The following RALA variants were observed in gnomAD, a reference collection of about 807,000 sequenced individuals.
The protein encoded by RALA is ras-related protein Ral-A.
In RALA, 5 loss-of-function variants were observed where a neutral mutation model predicts 24.0. The observed-to-expected ratio is 0.21, with a 90% CI of 0.11 to 0.44. The LOEUF (loss-of-function observed/expected upper bound fraction) is 0.44. RALA is among the 20% of genes least tolerant of loss of function. The pLI is 0.99. For synonymous variants in RALA, 77 were observed against 83.8 expected, an observed-to-expected ratio of 0.92 and a Z score of 0.44; for missense variants, 95 against 241.2, an observed-to-expected ratio of 0.39 and a Z score of 4.01.
chr7:39,659,292 AAAAT>A (rs1354633042), intron 1 of RALA, among the ~76,000 whole-genome samples: 1 of 152,184 alleles, frequency 6.6e-6, no homozygotes, highest in Non-Finnish European at 1.5e-5. Context: ...TCAAAAATAA[AAAAT>A]AAATATGATC....
At chr7:39,685,521 CAG>C (rs146569920) in intron 1 of RALA, among the ~76,000 whole-genome samples, 1,580 of 152,260 alleles carry the variant, frequency 0.01, 24 homozygotes, top group African/African-American at 0.036. Context: ...CACACACGTT[CAG>C]AGTGTTTGTT....
intron 1 of RALA, among the ~76,000 whole-genome samples, chr7:39,674,409 C>G (rs929421334): frequency 6.6e-6 from 1 of 152,062 alleles, no homozygotes; most frequent in Non-Finnish European, 1.5e-5. Flanking sequence ...AAGCCATTCT[C>G]GTATCTGGTT....
At chr7:39,686,238 T>C (rs999687238) in intron 1 of RALA, among the ~76,000 whole-genome samples, 1 of 151,830 alleles carries the variant, frequency 6.6e-6, no homozygotes, top group African/African-American at 2.4e-5. Context: ...GAAACATCTC[T>C]TTAATTATTG....
intron 1 of RALA, among the ~76,000 whole-genome samples, chr7:39,678,554 G>A (rs982455105): frequency 6.6e-6 from 1 of 152,096 alleles, no homozygotes; most frequent in South Asian, 2.1e-4. Flanking sequence ...CCCCAAATAG[G>A]TTCTATAGTA....
At chr7:39,643,383 A>AG (rs1791853696) in intron 1 of RALA, among the ~76,000 whole-genome samples, 2 of 152,204 alleles carry the variant, frequency 1.3e-5, no homozygotes, top group South Asian at 2.1e-4. Flanking sequence ...GCAGGCACAT[A>AG]GGCAGTAGTG....
chr7:39,655,877 G>A (rs1792088007), intron 1 of RALA, among the ~76,000 whole-genome samples: 1 of 152,120 alleles, frequency 6.6e-6, no homozygotes, highest in Non-Finnish European at 1.5e-5. Context: ...AGGATTAAGG[G>A]GAGAGGAGTA....
chr7:39,665,920 CA>C (rs1444677758), intron 1 of RALA, among the ~76,000 whole-genome samples: 1 of 151,754 alleles, frequency 6.6e-6, no homozygotes, highest in Admixed American at 6.6e-5. Flanking sequence ...TGATATGGCT[CA>C]ATTTTCTCAC....
chr7:39,699,118 G>GTTAT (rs1207863082), intron 4 of RALA, among the ~76,000 whole-genome samples: 1 of 84,140 alleles, frequency 1.2e-5, no homozygotes, highest in Non-Finnish European at 2.5e-5. Flanking sequence ...TGCTAAAAAT[G>GTTAT]TTATTTTTTT....
At chr7:39,624,903 C>T (rs1791454526) in intron 1 of RALA, among the ~76,000 whole-genome samples, 1 of 152,160 alleles carries the variant, frequency 6.6e-6, no homozygotes, top group Non-Finnish European at 1.5e-5. Context: ...TAATGTATTT[C>T]AGTGTGTCTT....
chr7:39,675,272 T>C (rs1488860140), intron 1 of RALA, among the ~76,000 whole-genome samples: 1 of 152,164 alleles, frequency 6.6e-6, no homozygotes, highest in Non-Finnish European at 1.5e-5. Flanking sequence ...ATAAACTGTA[T>C]TGGGCACTTG....
At chr7:39,704,674 T>TTTTTTA (rs1793086725) in intron 4 of RALA, among the ~76,000 whole-genome samples, 1 of 151,494 alleles carries the variant, frequency 6.6e-6, no homozygotes, top group Non-Finnish European at 1.5e-5. Flanking sequence ...TTTTGTTTTA[T>TTTTTTA]TTTTTATTTT....
intron 1 of RALA, among the ~76,000 whole-genome samples, chr7:39,634,424 A>G (rs1791651212): frequency 6.6e-6 from 1 of 152,140 alleles, no homozygotes; most frequent in Non-Finnish European, 1.5e-5. Context: ...CCCTGATGGC[A>G]CACTTCAGCA....
In RALA at chr7:39,630,094, G is replaced by A. The variant is rs141409383; in HGVS notation, c.-38+6269G>A. 2.5e-3 allele frequency among the ~76,000 whole-genome samples: 381 copies of A among 151,574 alleles called. 5 individuals carry two copies. Among genetic ancestry groups the A allele is most frequent in the African/African-American group, 5.1e-3 (210 of 41,298 alleles). ...TGGACCCTCCAGGCTGGAGTGCAGC[G>A]GTGCAATGGTGCGATCACAGCTCAC... On this transcript the variant is annotated intron_variant, in intron 1 of 4. Transcript: ENST00000005257.
chr7:39,687,703 T>C (rs1384447044), intron 2 of RALA, among the ~76,000 whole-genome samples: 1 of 152,222 alleles, frequency 6.6e-6, no homozygotes, highest in Non-Finnish European at 1.5e-5. Context: ...TCCTCACTTC[T>C]GTTTTCTCCC....
chr7:39,659,277 C>CT (rs1328567505), intron 1 of RALA, among the ~76,000 whole-genome samples: 1 of 152,028 alleles, frequency 6.6e-6, no homozygotes. Context: ...GAGAGAGACT[C>CT]TGTCTCAAAA....
At position 39,623,640 on chromosome 7, in the gene RALA, CCTCCTT is replaced by C. The variant is rs1230371180; in HGVS notation, c.-217_-212del. The C allele has an allele frequency of 3.2e-5, 5 of 154,102 alleles. No homozygotes were observed. The highest frequency in any genetic ancestry group is 7.3e-5 in the African/African-American group (3 of 40,932). The allele number at this position is 154,102 out of a possible 1,614,324, so 9.5% of individuals were successfully genotyped here. On this transcript the variant is annotated 5_prime_UTR_variant, in exon 1 of 5. Coordinates refer to ENST00000005257, the MANE Select transcript of RALA (RefSeq NM_005402.4). This position sits in a 1 kb window ranked among gnomAD's most constrained non-coding sequence, Gnocchi z 4.9. ...CAGAGCAAAGCGTCGGAGTCCTCCT[CCTCCTT>C]CTCCTCCTCCTCCTCCTCCTCCTCC...
At chr7:39,655,309 G>A (rs1792077590) in intron 1 of RALA, among the ~76,000 whole-genome samples, 1 of 152,180 alleles carries the variant, frequency 6.6e-6, no homozygotes, top group African/African-American at 2.4e-5. Context: ...TATGCTTACT[G>A]AAAGAAGCCA....
chr7:39,670,466 A>G (rs1792361304), intron 1 of RALA, among the ~76,000 whole-genome samples: 1 of 152,154 alleles, frequency 6.6e-6, no homozygotes, highest in African/African-American at 2.4e-5. Context: ...TTCTTTATTC[A>G]ATTTTGTAAG....
intron 1 of RALA, among the ~76,000 whole-genome samples, chr7:39,657,143 T>C (rs1792113167): frequency 6.6e-6 from 1 of 152,022 alleles, no homozygotes; most frequent in African/African-American, 2.4e-5. Context: ...GTTTTTGTAT[T>C]TTTGTAGTGA....
Sources: gnomAD v4.1 joint callset for allele counts (sites outside exome capture counted in the v4.1 genomes callset) on GRCh38, gnomAD v4.1.1 for gene constraint, Gnocchi (gnomAD v3.1) non-coding constraint, MANE v1.5 for transcripts, NCBI Gene and HGNC (gene_info 2026-07-23, HGNC 2026-07-21) for gene names.